Variants in FBXL13 observed in about 807,000 individuals in gnomAD.
FBXL13 encodes the protein F-box and leucine rich repeat protein 13.
Under a neutral mutation model 83.6 loss-of-function variants are expected in FBXL13, and 67 were observed. That is an observed-to-expected ratio of 0.80 (90% CI 0.66 to 0.98). The LOEUF is 0.98. Among genes scored for constraint, FBXL13 ranks in the 50% least tolerant of loss-of-function variants. The probability of loss-of-function intolerance (pLI) is 0.00; values close to 1 mark genes in which losing one functional copy is unlikely to be tolerated. For synonymous variants in FBXL13, 272 were observed against 299.5 expected, an observed-to-expected ratio of 0.91 and a Z score of 0.95; for missense variants, 822 against 866.5, an observed-to-expected ratio of 0.95 and a Z score of 0.64.
intron 10 of FBXL13, among the ~76,000 whole-genome samples, chr7:102,914,360 C>A (rs903691637): frequency 6.6e-6 from 1 of 152,206 alleles, no homozygotes; most frequent in Non-Finnish European, 1.5e-5. Flanking sequence ...CATGAGCCAC[C>A]GTGCCCAGAA....
chr7:102,921,998 CT>C (rs1304269793), intron 10 of FBXL13, among the ~76,000 whole-genome samples: 2 of 152,118 alleles, frequency 1.3e-5, no homozygotes, highest in African/African-American at 2.4e-5. Context: ...TGAGACCAGC[CT>C]GGCTAACATG....
chr7:102,818,975 C>G (rs1798415285), intron 19 of FBXL13, among the ~76,000 whole-genome samples: 1 of 152,086 alleles, frequency 6.6e-6, no homozygotes, highest in African/African-American at 2.4e-5. Context: ...CTGACAGGCC[C>G]CAGTGTGTGT....
chr7:102,912,221 A>T (rs1251367923), intron 11 of FBXL13, among the ~76,000 whole-genome samples: 17 of 152,212 alleles, frequency 1.1e-4, no homozygotes, highest in Admixed American at 1.1e-3. Context: ...ACAGCACTGT[A>T]TCAGAAGTAA....
intron 8 of FBXL13, chr7:102,934,586 CAA>C: frequency 6.2e-7 from 1 of 1,614,066 alleles, no homozygotes; most frequent in Non-Finnish European, 8.5e-7. Flanking sequence ...CCCGAAACCC[CAA>C]GTGTCAGGGA....
chr7:103,024,860 T>TTC (rs1793712488), intron 6 of FBXL13, among the ~76,000 whole-genome samples: 1 of 120,120 alleles, frequency 8.3e-6, no homozygotes, highest in African/African-American at 3.1e-5. Context: ...TATATATATT[T>TTC]TTTTTTTTTT....
In FBXL13 at chr7:102,898,919, A is replaced by G. The variant is rs143885829; in HGVS notation, c.1008+14167T>C. 1.1e-3 allele frequency among the ~76,000 whole-genome samples: 167 copies of G among 151,904 alleles called. 1 individual carries two copies. Among genetic ancestry groups the G allele is most frequent in the African/African-American group, 4.0e-3 (165 of 41,434 alleles). On this transcript the variant is annotated intron_variant, in intron 11 of 19. Transcript: ENST00000313221. ...TTATTTATTTAATTTAATTTAATTA[A>G]TTATTTATTTATTTTGAGACAGAGT...
At chr7:103,009,128 C>T (rs936695967) in intron 6 of FBXL13, among the ~76,000 whole-genome samples, 5 of 151,954 alleles carry the variant, frequency 3.3e-5, no homozygotes, top group Non-Finnish European at 7.4e-5. Context: ...AAGATAGCTG[C>T]ATGAGTGTAG....
At chr7:102,854,173 A>G (rs1328062746) in intron 17 of FBXL13, among the ~76,000 whole-genome samples, 16 of 152,222 alleles carry the variant, frequency 1.1e-4, no homozygotes, top group African/African-American at 3.4e-4. Flanking sequence ...CATATACACC[A>G]TGGAATACTA....
chr7:102,832,839 C>T lies in FBXL13; in HGVS notation c.1854+1G>A, dbSNP rs766169474. Reference sequence around the variant, plus strand: ...GTTTGAGCCCTGACTCCTGCACATACCTTTGGACAGCCAGCAATGCTGAGA... The same window carrying T: ...GTTTGAGCCCTGACTCCTGCACATATCTTTGGACAGCCAGCAATGCTGAGA... On this transcript the variant is annotated splice_donor_variant, in intron 18 of 19. Transcript: ENST00000313221. LOFTEE classifies it high-confidence loss of function. The T allele has an allele frequency of 1.9e-6, 3 of 1,614,146 alleles. No homozygotes were observed. In the African/African-American group the frequency reaches 4.0e-5, roughly 22 times the overall value.
chr7:102,992,799 GT>G (rs2129484643), intron 6 of FBXL13, among the ~76,000 whole-genome samples: 2 of 152,288 alleles, frequency 1.3e-5, no homozygotes, highest in East Asian at 3.9e-4. Flanking sequence ...TAGAGACACA[GT>G]TTTGCCATGT....
At chr7:103,023,801 G>T (rs1486889753) in intron 6 of FBXL13, among the ~76,000 whole-genome samples, 1 of 152,128 alleles carries the variant, frequency 6.6e-6, no homozygotes, top group African/African-American at 2.4e-5. Flanking sequence ...CCATAAAAAA[G>T]AATGAGATCA....
intron 2 of FBXL13, 78 bp from the exon 4 acceptor site, chr7:103,029,496 G>A: frequency 1.3e-6 from 1 of 770,734 alleles, no homozygotes; most frequent in Non-Finnish European, 1.9e-6. Context: ...AGATACTCAA[G>A]AAAAAGAGAG....
chr7:102,842,792 T>G (rs948148566), intron 17 of FBXL13, among the ~76,000 whole-genome samples: 3 of 152,192 alleles, frequency 2.0e-5, no homozygotes, highest in African/African-American at 7.2e-5. Context: ...GGGGTTTCAG[T>G]TCCATAGCAC....
chr7:102,818,420 T>C (rs1310942493), intron 19 of FBXL13, among the ~76,000 whole-genome samples: 1 of 152,230 alleles, frequency 6.6e-6, no homozygotes, highest in African/African-American at 2.4e-5. Context: ...TGTGAGGCAA[T>C]ATCTGTAAAA....
intron 6 of FBXL13, among the ~76,000 whole-genome samples, chr7:103,021,283 T>A (rs1296787510): frequency 6.6e-6 from 1 of 152,120 alleles, no homozygotes; most frequent in African/African-American, 2.4e-5. Context: ...TAGCCATATG[T>A]AGAAAGCTGA....
chr7:102,957,289 A>T (rs1267141222), intron 8 of FBXL13, among the ~76,000 whole-genome samples: 1 of 152,230 alleles, frequency 6.6e-6, no homozygotes, highest in East Asian at 1.9e-4. Flanking sequence ...TGGGGAAAGG[A>T]TTCCCTATTT....
chr7:103,047,653 G>A (rs1247782435), intron 2 of FBXL13, among the ~76,000 whole-genome samples: 1 of 152,158 alleles, frequency 6.6e-6, no homozygotes, highest in African/African-American at 2.4e-5. Context: ...ATGGTTGACA[G>A]TATATACTCA....
chr7:102,867,695 A>ATATATATATTTTTTTTTTTTT (rs1239781180), intron 16 of FBXL13, among the ~76,000 whole-genome samples: 1 of 49,064 alleles, frequency 2.0e-5, no homozygotes, highest in African/African-American at 1.2e-4. Context: ...ATATATATAT[A>ATATATATATTTTTTTTTTTTT]TTTTTTTTTT....
At chr7:102,918,594 T>C (rs1234693479) in intron 10 of FBXL13, among the ~76,000 whole-genome samples, 3 of 152,190 alleles carry the variant, frequency 2.0e-5, no homozygotes, top group Non-Finnish European at 4.4e-5. Context: ...AGCAAGAGGA[T>C]TGCCTGAGGC....
Sources: gnomAD v4.1 joint callset for allele counts (sites outside exome capture counted in the v4.1 genomes callset) on GRCh38, gnomAD v4.1.1 for gene constraint, MANE v1.5 for transcripts, NCBI Gene and HGNC (gene_info 2026-07-23, HGNC 2026-07-21) for gene names.